Variants in TBXAS1 observed in about 807,000 individuals in gnomAD.
TBXAS1 encodes the protein thromboxane A synthase 1.
A neutral mutation model predicts 60.7 loss-of-function variants in TBXAS1; 48 were observed. That is an observed-to-expected ratio of 0.79 (90% CI 0.63 to 1.01). The LOEUF (loss-of-function observed/expected upper bound fraction) is 1.01, where lower values mean the gene tolerates loss of function less well. TBXAS1 is among the 50% of genes least tolerant of loss of function. The pLI is 0.00. For synonymous variants in TBXAS1, 287 were observed against 269.7 expected, an observed-to-expected ratio of 1.06 and a Z score of -0.63; for missense variants, 685 against 686.3, an observed-to-expected ratio of 1.00 and a Z score of 0.02.
chr7:139,909,304 G>A (rs542438979), intron 3 of TBXAS1, among the ~76,000 whole-genome samples: 35 of 152,266 alleles, frequency 2.3e-4, no homozygotes, highest in African/African-American at 5.5e-4. Context: ...TGCTCTGGAG[G>A]GGGGTTGAGA....
At chr7:139,857,533 G>C (rs1800662755) in intron 1 of TBXAS1, among the ~76,000 whole-genome samples, 1 of 152,128 alleles carries the variant, frequency 6.6e-6, no homozygotes, top group Non-Finnish European at 1.5e-5. Flanking sequence ...GTCACTTCAA[G>C]AGTTTTATGA....
At chr7:139,876,682 A>G (rs1300465392) in intron 3 of TBXAS1, among the ~76,000 whole-genome samples, 1 of 152,176 alleles carries the variant, frequency 6.6e-6, no homozygotes, top group Non-Finnish European at 1.5e-5. Flanking sequence ...AAGTTCTTCT[A>G]CCTACTTTTT....
intron 3 of TBXAS1, among the ~76,000 whole-genome samples, chr7:139,898,172 T>G (rs1804256554): frequency 6.6e-6 from 1 of 152,210 alleles, no homozygotes; most frequent in African/African-American, 2.4e-5. Flanking sequence ...AACTGTGATC[T>G]GCAGTAGCGT....
At chr7:139,814,893 G>A (rs1416341364) in intron 4 of TBXAS1, among the ~76,000 whole-genome samples, 2 of 152,086 alleles carry the variant, frequency 1.3e-5, no homozygotes, top group East Asian at 1.9e-4. Flanking sequence ...GTCCCTAGGT[G>A]GTGAGCTCCC....
intron 7 of TBXAS1, among the ~76,000 whole-genome samples, chr7:139,957,113 C>T (rs1288801721): frequency 6.6e-6 from 1 of 152,220 alleles, no homozygotes; most frequent in African/African-American, 2.4e-5. Flanking sequence ...AAGGGAGGCA[C>T]CCACAGCAGC....
chr7:139,903,497 T>G (rs965112870), intron 3 of TBXAS1, among the ~76,000 whole-genome samples: 1 of 152,106 alleles, frequency 6.6e-6, no homozygotes, highest in African/African-American at 2.4e-5. Flanking sequence ...AGTTCTACTT[T>G]TAGTTCTTTA....
intron 4 of TBXAS1, among the ~76,000 whole-genome samples, chr7:139,805,700 TTCTTTCTTTCTTTCTC>T (rs1341887282): frequency 5.3e-5 from 2 of 37,438 alleles, no homozygotes; most frequent in African/African-American, 1.1e-4. Flanking sequence ...CTTTCTTTCT[TTCTTTCTTTCTTTCTC>T]TCTCTCTCTC....
At chr7:139,868,709 C>T (rs1007342539) in intron 1 of TBXAS1, among the ~76,000 whole-genome samples, 8 of 145,874 alleles carry the variant, frequency 5.5e-5, no homozygotes, top group African/African-American at 1.3e-4. Flanking sequence ...CCAGCTGGAG[C>T]GCAGTGGCAC....
intron 9 of TBXAS1, among the ~76,000 whole-genome samples, chr7:139,976,897 A>G (rs1811601807): frequency 6.6e-6 from 1 of 152,214 alleles, no homozygotes; most frequent in Non-Finnish European, 1.5e-5. Context: ...TGCTTTTTAG[A>G]AAAGTCCCTC....
chr7:139,876,634 T>C lies in TBXAS1; in HGVS notation c.236+997T>C, dbSNP rs75604152. 6.6e-3 allele frequency among the ~76,000 whole-genome samples: 998 copies of C among 152,274 alleles called. 7 individuals carry two copies. The highest frequency in any genetic ancestry group is 0.016 in the African/African-American group (648 of 41,560). On this transcript the variant is annotated intron_variant, in intron 3 of 12. Coordinates refer to ENST00000448866, the MANE Select transcript of TBXAS1 (RefSeq NM_001061.7). Reference sequence around the variant, plus strand: ...GAAAGGGATTGGCTTGTCCTCTTTATGGAAATGGCCCCTCCTAGGAAGCCC... The same window carrying C: ...GAAAGGGATTGGCTTGTCCTCTTTACGGAAATGGCCCCTCCTAGGAAGCCC...
At chr7:139,948,142 G>C (rs912485105) in intron 5 of TBXAS1, among the ~76,000 whole-genome samples, 16 of 152,318 alleles carry the variant, frequency 1.1e-4, no homozygotes, top group Admixed American at 1.0e-3. Flanking sequence ...TGAGATTACA[G>C]GAGTGAGCCA....
rs141021518 is a variant in TBXAS1 at position 139,968,962 on chromosome 7, G to T, written c.1134+6729G>T. On this transcript the variant is annotated intron_variant, in intron 9 of 12. Transcript: ENST00000448866. ...TGTAATTTTGAAAAGGATGAGAAAG[G>T]AAAAAAACCAACTTCTTTTCATATA... is the stretch of plus-strand genomic sequence containing the variant. Among the ~76,000 whole-genome samples the T allele has an allele frequency of 1.9e-4, 29 of 152,180 alleles. 1 individual carries two copies. The highest frequency in any genetic ancestry group is 7.0e-4 in the African/African-American group (29 of 41,536).
chr7:139,996,700 A>G (rs2117635975), intron 9 of TBXAS1, among the ~76,000 whole-genome samples: 1 of 152,298 alleles, frequency 6.6e-6, no homozygotes, highest in South Asian at 2.1e-4. Context: ...TTCCTTTATG[A>G]CAGTGATTCT....
At chr7:139,998,679 A>C (rs1340930354) in intron 9 of TBXAS1, among the ~76,000 whole-genome samples, 1 of 152,212 alleles carries the variant, frequency 6.6e-6, no homozygotes, top group Non-Finnish European at 1.5e-5. Flanking sequence ...GCAAAACACT[A>C]TTATTATTCT....
intron 2 of TBXAS1, among the ~76,000 whole-genome samples, chr7:139,782,204 CTT>C (rs34354515): frequency 4.1e-4 from 60 of 145,532 alleles, no homozygotes; most frequent in East Asian, 2.6e-3. Flanking sequence ...AAAAAAATCA[CTT>C]TTTTTTTTTT....
chr7:139,787,877 GA>G (rs1163479015), intron 4 of TBXAS1, among the ~76,000 whole-genome samples: 1 of 152,108 alleles, frequency 6.6e-6, no homozygotes, highest in Non-Finnish European at 1.5e-5. Flanking sequence ...AAACACATAA[GA>G]CTACAAAAGA....
chr7:139,915,334 C>T (rs1255334675), intron 4 of TBXAS1, among the ~76,000 whole-genome samples: 1 of 152,210 alleles, frequency 6.6e-6, no homozygotes, highest in African/African-American at 2.4e-5. Context: ...ACCACGTTGC[C>T]TTCCCTCTAA....
chr7:140,010,163 C>T (rs552537249), intron 10 of TBXAS1, among the ~76,000 whole-genome samples: 4 of 152,090 alleles, frequency 2.6e-5, no homozygotes, highest in Admixed American at 1.3e-4. Flanking sequence ...GCTGGCTTTT[C>T]TTATTGATCA....
chr7:139,949,853 A>C (rs1441846965), intron 5 of TBXAS1, among the ~76,000 whole-genome samples: 2 of 152,162 alleles, frequency 1.3e-5, no homozygotes, highest in Non-Finnish European at 2.9e-5. Flanking sequence ...AGATAGCCCA[A>C]GATCCAAAAA....
Sources: gnomAD v4.1 joint callset for allele counts (sites outside exome capture counted in the v4.1 genomes callset) on GRCh38, gnomAD v4.1.1 for gene constraint, MANE v1.5 for transcripts, NCBI Gene and HGNC (gene_info 2026-07-23, HGNC 2026-07-21) for gene names.